Variants in TMEM144 observed in about 807,000 individuals in gnomAD.
TMEM144 encodes transmembrane protein 144.
TMEM144 carries 39 observed loss-of-function variants against 43.6 expected under a neutral mutation model. The observed-to-expected ratio is 0.90, with a 90% CI of 0.69 to 1.17. The LOEUF is 1.17. Ranked by LOEUF, TMEM144 falls within the 50% of genes most tolerant of loss-of-function variation. TMEM144 has a pLI of 0.00. For synonymous variants in TMEM144, 154 were observed against 133.6 expected, an observed-to-expected ratio of 1.15 and a Z score of -1.06; for missense variants, 417 against 411.9, an observed-to-expected ratio of 1.01 and a Z score of -0.11.
chr4:158,249,761 G>T (rs977676827), intron 12 of TMEM144, among the ~76,000 whole-genome samples: 6 of 152,080 alleles, frequency 3.9e-5, no homozygotes, highest in Admixed American at 1.3e-4. Context: ...TCACCTTAGT[G>T]TATTTGTTGT....
chr4:158,216,630 A>G (rs960863643), intron 4 of TMEM144, among the ~76,000 whole-genome samples: 2 of 152,156 alleles, frequency 1.3e-5, no homozygotes, highest in Admixed American at 6.6e-5. Context: ...AATTAGGTCA[A>G]GTACCCAAAG....
rs147319508 is a variant in TMEM144, at chr4:158,212,495, T to C, written c.-60-113T>C. 4,344 of 512,742 alleles carry C rather than the reference T, an allele frequency of 8.5e-3. 30 individuals carry two copies. Among genetic ancestry groups the C allele is most frequent in the Middle Eastern group, 0.023 (45 of 1,960 alleles). The allele number at this position is 512,742 out of a possible 1,614,324, so 31.8% of individuals were successfully genotyped here. On this transcript the variant is annotated intron_variant, in intron 2 of 12. Coordinates refer to ENST00000296529, the MANE Select transcript of TMEM144 (RefSeq NM_018342.5). The stretch of plus-strand genomic sequence containing the variant: ...TTATATATAGTTGTGTAATATCCTA[T>C]CTGCAAAAAGGAGTCTTAGCGTGCT...
Position 158,240,311 on chromosome 4 carries a change from T to C in TMEM144, c.695T>C (p.Val232Ala), listed in dbSNP as rs1473346230. The C allele has an allele frequency of 6.2e-7, 1 of 1,612,370 alleles. No individual in the cohort carries two copies. The highest frequency in any genetic ancestry group is 2.2e-5 in the East Asian group (1 of 44,856). ...TGTCTATTTTCAGATTTAGACTATG[T>C]GTTTGCGCACTTCAGTGGCATCTTT... ...AGASQYDLDY[V>A]FAHFSGIFLT... is the part of the protein sequence containing the mutation. Residue 232 changes from valine to alanine, a missense_variant, in exon 10 of 13, where the codon GTG (valine) becomes GCG (alanine). Transcript: ENST00000296529.
chr4:158,253,549 G>A lies in TMEM144; in HGVS notation c.*22G>A. 4 of 1,597,658 alleles carry A rather than the reference G, an allele frequency of 2.5e-6. No individual in the cohort carries two copies. Among genetic ancestry groups the A allele is most frequent in the South Asian group, 1.1e-5 (1 of 90,550 alleles). ...CTAACAATGACAAAACCAGCAGGTG[G>A]CAGCAGTAGTTAAGAGAACGCGTCT... is the stretch of plus-strand genomic sequence containing the variant. On this transcript the variant is annotated 3_prime_UTR_variant, in exon 13 of 13. Coordinates refer to ENST00000296529, the MANE Select transcript of TMEM144 (RefSeq NM_018342.5).
At chr4:158,214,341 T>C (rs1288279523) in intron 3 of TMEM144, among the ~76,000 whole-genome samples, 1 of 152,208 alleles carries the variant, frequency 6.6e-6, no homozygotes, top group Non-Finnish European at 1.5e-5. Context: ...TCTACTCTTT[T>C]GTCATGGAGA....
At chr4:158,237,115 T>G (rs1401203181) in intron 8 of TMEM144, among the ~76,000 whole-genome samples, 1 of 152,206 alleles carries the variant, frequency 6.6e-6, no homozygotes, top group East Asian at 1.9e-4. Context: ...AGTTCTGTGC[T>G]GGATAGCATG....
intron 6 of TMEM144, among the ~76,000 whole-genome samples, chr4:158,226,010 C>T (rs1031637103): frequency 6.6e-6 from 1 of 152,166 alleles, no homozygotes; most frequent in Non-Finnish European, 1.5e-5. Context: ...CTTAGTGGAG[C>T]GGGGGACAAT....
intron 6 of TMEM144, among the ~76,000 whole-genome samples, chr4:158,228,207 T>A (rs1307816311): frequency 2.8e-5 from 4 of 142,818 alleles, no homozygotes; most frequent in Non-Finnish European, 6.1e-5. Context: ...TCAAATGGAG[T>A]AGGCAAGTTC....
chr4:158,250,786 T>A (rs1560844374), intron 12 of TMEM144, among the ~76,000 whole-genome samples: 1 of 152,188 alleles, frequency 6.6e-6, no homozygotes, highest in African/African-American at 2.4e-5. Context: ...AGGATTAGCC[T>A]CTAACAGCCC....
intron 4 of TMEM144, 84 bp from the exon 5 acceptor site, chr4:158,217,237 G>T: frequency 1.1e-6 from 1 of 939,350 alleles, no homozygotes; most frequent in South Asian, 2.0e-5. Flanking sequence ...CACTTCAGTT[G>T]AAGTTAGAAT....
At chr4:158,252,771 GAACT>G (rs1736270100) in intron 12 of TMEM144, among the ~76,000 whole-genome samples, 1 of 138,446 alleles carries the variant, frequency 7.2e-6, no homozygotes, top group Non-Finnish European at 1.5e-5. Context: ...TCACGCCACT[GAACT>G]CCAGCCTAGG....
chr4:158,240,813 A>G (rs1187913927), intron 10 of TMEM144, among the ~76,000 whole-genome samples: 2 of 152,238 alleles, frequency 1.3e-5, no homozygotes, highest in African/African-American at 4.8e-5. Context: ...AACAGTTTCT[A>G]CAAAATGTAA....
intron 11 of TMEM144, among the ~76,000 whole-genome samples, chr4:158,242,702 T>C (rs1735690278): frequency 6.6e-6 from 1 of 152,174 alleles, no homozygotes; most frequent in Non-Finnish European, 1.5e-5. Flanking sequence ...AAAAGTCACC[T>C]AGCAGGGGCT....
intron 6 of TMEM144, among the ~76,000 whole-genome samples, chr4:158,224,200 ATGTCTTCTTTGGGGAAG>A (rs1734640068): frequency 6.6e-6 from 1 of 152,168 alleles, no homozygotes; most frequent in Non-Finnish European, 1.5e-5. Context: ...GGTCATGCAA[ATGTCTTCTTTGGGGAAG>A]TGTCTGTTCA....
rs1734029731 is a variant in TMEM144 at position 158,212,866 on chromosome 4, A to C, written c.109+90A>C. ...TTTTAAAAGTATAGCTACAAAAATA[A>C]ATCATGTTGATCTTGATACCTAGTG... On this transcript the variant is annotated intron_variant, in intron 3 of 12. Coordinates refer to ENST00000296529, the MANE Select transcript of TMEM144 (RefSeq NM_018342.5). The C allele has an allele frequency of 3.9e-6, 4 of 1,026,194 alleles. No individual in the cohort carries two copies. In the African/African-American group the frequency reaches 6.4e-5, roughly 16 times the overall value. 63.6% of individuals were successfully genotyped at this position (1,026,194 alleles called of 1,614,324 possible).
intron 10 of TMEM144, 88 bp downstream of exon 10, chr4:158,240,506 G>T: frequency 7.1e-7 from 1 of 1,402,878 alleles, no homozygotes; most frequent in South Asian, 1.4e-5. Context: ...TGGAAACAAA[G>T]CCATCCTCTG....
At chr4:158,242,679 AAG>A (rs2111145019) in intron 11 of TMEM144, among the ~76,000 whole-genome samples, 1 of 152,312 alleles carries the variant, frequency 6.6e-6, no homozygotes, top group East Asian at 1.9e-4. Context: ...AAAAAAAAGA[AAG>A]AAAGAAAGAA....
chr4:158,222,043 AT>A (rs1188932931), intron 6 of TMEM144, among the ~76,000 whole-genome samples: 3 of 151,976 alleles, frequency 2.0e-5, no homozygotes, highest in Admixed American at 1.3e-4. Context: ...TGTCATCTTT[AT>A]TTTTTTCCCT....
intron 9 of TMEM144, among the ~76,000 whole-genome samples, chr4:158,238,168 C>T (rs912421792): frequency 6.6e-6 from 1 of 152,084 alleles, no homozygotes; most frequent in Non-Finnish European, 1.5e-5. Context: ...TAGCCTTGTA[C>T]AGGTTCAAAA....
Sources: gnomAD v4.1 joint callset for allele counts (sites outside exome capture counted in the v4.1 genomes callset) on GRCh38, gnomAD v4.1.1 for gene constraint, MANE v1.5 for transcripts, NCBI Gene and HGNC (gene_info 2026-07-23, HGNC 2026-07-21) for gene names.